The following BLOC1S2 variants were observed in gnomAD, a reference collection of about 807,000 sequenced individuals.
BLOC1S2 encodes the protein biogenesis of lysosome-related organelles complex 1 subunit 2.
In BLOC1S2, 12 loss-of-function variants were observed where a neutral mutation model predicts 19.6. The observed-to-expected ratio is 0.61, with a 90% CI of 0.39 to 0.99. The LOEUF (loss-of-function observed/expected upper bound fraction) is 0.99, where lower values mean the gene tolerates loss of function less well. Among genes scored for constraint, BLOC1S2 ranks in the 50% least tolerant of loss-of-function variants. The probability of loss-of-function intolerance (pLI) is 0.00; values close to 1 mark genes in which losing one functional copy is unlikely to be tolerated. For synonymous variants in BLOC1S2, 66 were observed against 64.1 expected (o/e 1.03, Z -0.14); for missense variants, 142 against 171.0 (o/e 0.83, Z 0.95).
At chr10:100,277,032 G>C (rs36043872) in intron 4 of BLOC1S2, among the ~76,000 whole-genome samples, 10,746 of 139,914 alleles carry the variant, frequency 0.077, 193 homozygotes, top group African/African-American at 0.15. Context: ...GTCTCTGCCC[G>C]GCCGCCATCC....
rs1433470562 is a variant in BLOC1S2, at chr10:100,286,633, C to T, written c.27G>A (p.Leu9=). 2 of 1,611,840 alleles carry T rather than the reference C, an allele frequency of 1.2e-6. No homozygotes were observed. Among genetic ancestry groups the T allele is most frequent in the South Asian group, 1.1e-5 (1 of 90,978 alleles). The change falls in exon 1 of 5, where the codon CTG becomes CTA. Residue 9 remains leucine, a synonymous_variant. Transcript: ENST00000370372. Reference sequence around the variant, plus strand: ...GGGCGGGCTCATCACTCCGGGTCGCCAGTACGCCCTCGGCTGCCGCCGCCA... The same window carrying T: ...GGGCGGGCTCATCACTCCGGGTCGCTAGTACGCCCTCGGCTGCCGCCGCCA... MAAAAEGV[L]ATRSDEPARD...
intron 2 of BLOC1S2, among the ~76,000 whole-genome samples, chr10:100,282,014 A>G (rs1481504258): frequency 6.6e-6 from 1 of 152,092 alleles, no homozygotes; most frequent in Non-Finnish European, 1.5e-5. Context: ...GGATCTTAAT[A>G]TCTTCCCAAG....
intron 2 of BLOC1S2, among the ~76,000 whole-genome samples, chr10:100,281,426 G>A (rs1004844171): frequency 6.6e-6 from 1 of 151,926 alleles, no homozygotes; most frequent in African/African-American, 2.4e-5. Context: ...TGGCTCATGC[G>A]TGTAATCCCA....
intron 1 of BLOC1S2, 50 bp from the exon 2 acceptor site, chr10:100,286,263 C>A: frequency 6.3e-7 from 1 of 1,581,650 alleles, no homozygotes; most frequent in South Asian, 1.1e-5. Context: ...CGGTGCTAAT[C>A]CAGCCAAAGC....
rs1215323211 is a variant in BLOC1S2 at position 100,283,714 on chromosome 10, T to TA, written c.172+2382dup. Among the ~76,000 whole-genome samples, 1,454 of 151,562 alleles carry TA rather than the reference T, an allele frequency of 9.6e-3. 31 individuals are homozygous for TA. The highest frequency in any genetic ancestry group is 0.033 in the African/African-American group (1,350 of 41,166). The stretch of plus-strand genomic sequence containing the variant: ...GGCAAAACCTCATCTCTACTAAAAA[T>TA]AAAAATAAAAATTAGCCAGGCGTGG... On this transcript the variant is annotated intron_variant, in intron 2 of 4. Coordinates refer to ENST00000370372, the MANE Select transcript of BLOC1S2 (RefSeq NM_173809.5).
intron 4 of BLOC1S2, among the ~76,000 whole-genome samples, chr10:100,276,309 CCTCTCCCGTCTCCCTCTCT>C (rs1373556241): frequency 8.2e-5 from 10 of 122,056 alleles, no homozygotes; most frequent in Middle Eastern, 4.4e-3. Flanking sequence ...TCTCCATCTC[CCTCTCCCGTCTCCCTCTCT>C]CTCTCCCGTC....
intron 4 of BLOC1S2, among the ~76,000 whole-genome samples, chr10:100,278,095 C>CGGGAGGGAGGTGGGGG (rs1847981063): frequency 8.6e-6 from 1 of 115,616 alleles, no homozygotes; most frequent in Non-Finnish European, 1.8e-5. Flanking sequence ...CCGCTCCGTC[C>CGGGAGGGAGGTGGGGG]GGGAGGGAGG....
intron 4 of BLOC1S2, among the ~76,000 whole-genome samples, chr10:100,279,108 C>A (rs1330421324): frequency 6.6e-6 from 1 of 151,340 alleles, no homozygotes; most frequent in Non-Finnish European, 1.5e-5. Flanking sequence ...AAAAACAAAA[C>A]AACAACAACA....
rs1467626109 is a variant in BLOC1S2, at chr10:100,277,371, A to G, written c.398-1878T>C. Among the ~76,000 whole-genome samples, 11 of 145,972 alleles carry G rather than the reference A, an allele frequency of 7.5e-5. No individual in the cohort carries two copies. In the East Asian group the frequency reaches 1.0e-3, roughly 14 times the overall value. On this transcript the variant is annotated intron_variant, in intron 4 of 4. Coordinates refer to ENST00000370372, the MANE Select transcript of BLOC1S2 (RefSeq NM_173809.5). ...CGCCCGGCCAGCCGCCCCGTCCGGG[A>G]GGTGAGGGGCGCCTCTGCCCGGCCG...
chr10:100,274,111 G>C lies in BLOC1S2; in HGVS notation c.*1351C>G, dbSNP rs1310629778. On this transcript the variant is annotated 3_prime_UTR_variant, in exon 5 of 5. Transcript: ENST00000370372. ...ACTCCATCTGTATAAAAAATAATTAGCAAGGCATGGTGGAGCGTGCTGGTA... is the reference window on the plus strand; with the variant it reads ...ACTCCATCTGTATAAAAAATAATTACCAAGGCATGGTGGAGCGTGCTGGTA... The C allele has an allele frequency of 2.0e-5, 3 of 152,124 alleles. No individual in the cohort carries two copies. Among genetic ancestry groups the C allele is most frequent in the Non-Finnish European group, 4.4e-5 (3 of 68,078 alleles). The allele number at this position is 152,124 out of a possible 1,614,324, so 9.4% of individuals were successfully genotyped here.
At chr10:100,281,413 CG>C (rs1222141624) in intron 2 of BLOC1S2, among the ~76,000 whole-genome samples, 2 of 152,010 alleles carry the variant, frequency 1.3e-5, no homozygotes, top group Admixed American at 6.6e-5. Flanking sequence ...AGGCTGGGCG[CG>C]GTGGCTCATG....
At chr10:100,281,577 G>T (rs915963983) in intron 2 of BLOC1S2, among the ~76,000 whole-genome samples, 1 of 151,590 alleles carries the variant, frequency 6.6e-6, no homozygotes, top group Non-Finnish European at 1.5e-5. Context: ...TCAGCTACTC[G>T]GGAGGCTGAG....
intron 2 of BLOC1S2, among the ~76,000 whole-genome samples, chr10:100,285,841 C>G (rs1440439710): frequency 6.6e-6 from 1 of 152,238 alleles, no homozygotes; most frequent in African/African-American, 2.4e-5. Context: ...TCAAAATACA[C>G]TTTCCCCAAG....
At chr10:100,277,705 TG>T (rs1190213700) in intron 4 of BLOC1S2, among the ~76,000 whole-genome samples, 17 of 96,762 alleles carry the variant, frequency 1.8e-4, no homozygotes, top group Admixed American at 8.4e-4. Context: ...GGGAGGGAGG[TG>T]GGGGGCTCAG....
rs748069503 is a variant in BLOC1S2, at chr10:100,286,134, G to A, written c.135C>T (p.Phe45=). 2.5e-5 allele frequency: 40 copies of A among 1,613,960 alleles called. No homozygotes were observed. The Middle Eastern group carries it at 6.6e-4, about 27-fold the overall frequency. Residue 45 remains phenylalanine, a synonymous_variant, in exon 2 of 5, where the codon TTC becomes TTT. Transcript: ENST00000370372. ...CAGTCAGGTAAGTGGCCATTTTGGA[G>A]AACATGTCCCGGCAGAGCTCAGTGA... ...ADITELCRDM[F]SKMATYLTGE...
At chr10:100,286,507 G>T in intron 1 of BLOC1S2, 98 bp downstream of exon 1, 1 of 1,550,974 alleles carries the variant, frequency 6.4e-7, no homozygotes, top group Non-Finnish European at 8.7e-7. Context: ...TCACCAGCCC[G>T]TTCCTGCCAG....
At chr10:100,281,682 C>CAAAA (rs1157230215) in intron 2 of BLOC1S2, among the ~76,000 whole-genome samples, 74 of 69,646 alleles carry the variant, frequency 1.1e-3, no homozygotes, top group East Asian at 0.011. Flanking sequence ...GACTCCATCT[C>CAAAA]AAAAAAAAAA....
At chr10:100,277,712 C>G (rs1413387021) in intron 4 of BLOC1S2, among the ~76,000 whole-genome samples, 49 of 86,372 alleles carry the variant, frequency 5.7e-4, no homozygotes, top group African/African-American at 7.9e-4. Flanking sequence ...AGGTGGGGGG[C>G]TCAGCCCCCC....
At chr10:100,276,554 C>T (rs1206484940) in intron 4 of BLOC1S2, among the ~76,000 whole-genome samples, 1 of 150,820 alleles carries the variant, frequency 6.6e-6, no homozygotes, top group Non-Finnish European at 1.5e-5. Context: ...CAAGCCGGGC[C>T]AAAGCTGGAC....
Sources: allele counts gnomAD v4.1 joint callset (sites outside exome capture counted in the v4.1 genomes callset), GRCh38; gene constraint gnomAD v4.1.1; transcripts MANE v1.5; gene names NCBI Gene and HGNC (gene_info 2026-07-23, HGNC 2026-07-21).